The following CAMTA1 variants were observed in gnomAD, a reference collection of about 807,000 sequenced individuals.
The protein encoded by CAMTA1 is calmodulin-binding transcription activator 1.
CAMTA1 carries 27 observed loss-of-function variants against 170.9 expected under a neutral mutation model. That is an observed-to-expected ratio of 0.16 (90% confidence interval 0.12 to 0.22). CAMTA1 has a LOEUF of 0.22. CAMTA1 is among the 10% of genes least tolerant of loss of function. The pLI, the probability that CAMTA1 is intolerant of heterozygous loss-of-function variation, is 1.00. For synonymous variants in CAMTA1, 833 were observed against 891.5 expected (o/e 0.93, Z 1.17); for missense variants, 1,619 against 2,217.2 (o/e 0.73, Z 5.42).
chr1:7,506,621 A>T, intron 6 of CAMTA1, among the ~76,000 whole-genome samples: 1 of 151,310 alleles, frequency 6.6e-6, no homozygotes, highest in East Asian at 2.0e-4. Flanking sequence ...CTCTCATACT[A>T]ATGTTCAACA....
At chr1:7,188,923 A>G (rs78653089) in intron 4 of CAMTA1, among the ~76,000 whole-genome samples, 9,247 of 152,222 alleles carry the variant, frequency 0.061, 878 homozygotes, top group African/African-American at 0.21. Context: ...GTACCTTCTC[A>G]CCAGCAATGC....
chr1:6,962,315 C>T (rs1026695071), intron 3 of CAMTA1, among the ~76,000 whole-genome samples: 5 of 152,056 alleles, frequency 3.3e-5, no homozygotes, highest in Non-Finnish European at 5.9e-5. Context: ...GTCCCTGGGG[C>T]GAGGGGCCAG....
rs1328786930 is a variant in CAMTA1, at chr1:7,251,345, T to C, written c.438+1719T>C. 6.6e-6 allele frequency among the ~76,000 whole-genome samples: 1 copy of C among 152,228 alleles called. No individual in the cohort carries two copies. The highest frequency in any genetic ancestry group is 1.5e-5 in the Non-Finnish European group (1 of 68,048). ...ATGGCTATTTGTTAGGCCATATTTG[T>C]GTTTGGAGTTATTTGTGTGCTCATA... On this transcript the variant is annotated intron_variant, in intron 5 of 22. Coordinates refer to ENST00000303635, the MANE Select transcript of CAMTA1 (RefSeq NM_015215.4). The surrounding 1 kb of genome is among the most constrained non-coding windows in gnomAD (Gnocchi z 5.1).
chr1:7,111,847 T>G (rs769523986), intron 4 of CAMTA1, among the ~76,000 whole-genome samples: 40 of 138,166 alleles, frequency 2.9e-4, no homozygotes, highest in Non-Finnish European at 4.4e-4. Flanking sequence ...ATTGCATTAC[T>G]GCACTCCAGC....
At chr1:7,645,031 C>T (rs79544751) in intron 7 of CAMTA1, among the ~76,000 whole-genome samples, 11,796 of 152,236 alleles carry the variant, frequency 0.077, 1,221 homozygotes, top group African/African-American at 0.23. Flanking sequence ...CCTGGAAATT[C>T]CAGGGTCTGT....
chr1:6,974,062 TTGTC>T (rs1199915136), intron 3 of CAMTA1, among the ~76,000 whole-genome samples: 1 of 152,224 alleles, frequency 6.6e-6, no homozygotes, highest in Non-Finnish European at 1.5e-5. Flanking sequence ...AGAATGGCAT[TTGTC>T]TGAAGACAGA....
chr1:7,273,746 A>G lies in CAMTA1; in HGVS notation c.438+24120A>G, dbSNP rs1670182580. Among the ~76,000 whole-genome samples, 4 of 152,216 alleles carry G rather than the reference A, an allele frequency of 2.6e-5. No homozygotes were observed. The South Asian group carries it at 6.2e-4, about 24-fold the overall frequency. ...GTTTATGGTGTATAAATTATAGCTC[A>G]AAAATATGTTTAAAATAAGATAATT... On this transcript the variant is annotated intron_variant, in intron 5 of 22. Coordinates refer to ENST00000303635, the MANE Select transcript of CAMTA1 (RefSeq NM_015215.4).
At chr1:7,707,770 A>G (rs142050965) in intron 11 of CAMTA1, among the ~76,000 whole-genome samples, 2 of 152,336 alleles carry the variant, frequency 1.3e-5, no homozygotes, top group East Asian at 1.9e-4. Flanking sequence ...GGTGATACCA[A>G]TGGGTAGTGT....
At chr1:7,492,743 G>GTGCA (rs768059441) in intron 6 of CAMTA1, among the ~76,000 whole-genome samples, 14 of 126,312 alleles carry the variant, frequency 1.1e-4, no homozygotes, top group East Asian at 4.8e-4. Flanking sequence ...ATACACACAC[G>GTGCA]CGCGCACACA....
rs142690385 is a variant in CAMTA1 at position 6,901,559 on chromosome 1, G to A, written c.234+76349G>A. 1.1e-3 allele frequency among the ~76,000 whole-genome samples: 164 copies of A among 152,314 alleles called. 3 individuals are homozygous for A. The East Asian group carries it at 0.031, about 28-fold the overall frequency. On this transcript the variant is annotated intron_variant, in intron 3 of 22. Transcript: ENST00000303635. ...AACAACCCAATTTAAAAATGGGCAAGAGAGTTCTCTAGACATCTTAGGATA... is the reference window on the plus strand; with the variant it reads ...AACAACCCAATTTAAAAATGGGCAAAAGAGTTCTCTAGACATCTTAGGATA...
intron 4 of CAMTA1, among the ~76,000 whole-genome samples, chr1:7,202,813 A>C (rs1042660775): frequency 5.3e-5 from 8 of 152,204 alleles, no homozygotes; most frequent in African/African-American, 1.9e-4. Flanking sequence ...ATAAAAGATC[A>C]TCTCATCTGT....
intron 10 of CAMTA1, among the ~76,000 whole-genome samples, chr1:7,672,664 G>A (rs1054119757): frequency 2.0e-5 from 3 of 151,920 alleles, no homozygotes; most frequent in Non-Finnish European, 2.9e-5. Context: ...CAAGTGATCC[G>A]CCCACCTTGG....
chr1:7,074,750 A>G (rs1236461110), intron 3 of CAMTA1, among the ~76,000 whole-genome samples: 1 of 152,246 alleles, frequency 6.6e-6, no homozygotes, highest in Non-Finnish European at 1.5e-5. Context: ...CTTTACATAA[A>G]TTAGCTCATT....
chr1:7,258,989 A>G (rs74051547), intron 5 of CAMTA1, among the ~76,000 whole-genome samples: 2 of 152,148 alleles, frequency 1.3e-5, no homozygotes, highest in African/African-American at 2.4e-5. Context: ...GGTGTAAATG[A>G]AGGGCTCTTT....
At chr1:7,558,585 G>C (rs2094913013) in intron 6 of CAMTA1, among the ~76,000 whole-genome samples, 1 of 152,238 alleles carries the variant, frequency 6.6e-6, no homozygotes, top group Admixed American at 6.5e-5. Context: ...TAGGGCTGAT[G>C]GGCAGTGGGC....
intron 4 of CAMTA1, among the ~76,000 whole-genome samples, chr1:7,105,239 A>G (rs563605805): frequency 6.6e-6 from 1 of 152,262 alleles, no homozygotes; most frequent in Non-Finnish European, 1.5e-5. Context: ...TTCTTATGTC[A>G]TTAAATCTAG....
intron 4 of CAMTA1, among the ~76,000 whole-genome samples, chr1:7,154,628 G>A (rs1054318788): frequency 6.6e-6 from 1 of 152,184 alleles, no homozygotes; most frequent in Admixed American, 6.5e-5. Context: ...AAGAGAGTAC[G>A]CTTGCCTGAA....
intron 1 of CAMTA1, among the ~76,000 whole-genome samples, chr1:6,791,003 G>A (rs991244660): frequency 1.3e-5 from 2 of 152,032 alleles, no homozygotes; most frequent in Non-Finnish European, 2.9e-5. Context: ...ATGAGTATGT[G>A]ACTGAGTGTA....
intron 5 of CAMTA1, among the ~76,000 whole-genome samples, chr1:7,417,222 C>G (rs1386164258): frequency 1.3e-5 from 2 of 152,282 alleles, no homozygotes; most frequent in East Asian, 3.8e-4. Context: ...GCTCAGGGGT[C>G]AGGGACCCAC....
Sources: allele counts gnomAD v4.1 joint callset (sites outside exome capture counted in the v4.1 genomes callset), GRCh38; gene constraint gnomAD v4.1.1; non-coding constraint Gnocchi (gnomAD v3.1); transcripts MANE v1.5; gene names NCBI Gene and HGNC (gene_info 2026-07-23, HGNC 2026-07-21).